Variants in ARIH2 observed in about 807,000 individuals in gnomAD.
ARIH2 encodes ariadne RBR E3 ubiquitin protein ligase 2, also known as E3 ubiquitin-protein ligase ARIH2.
In ARIH2, 12 loss-of-function variants were observed where a neutral mutation model predicts 79.8. The observed-to-expected ratio is 0.15, with a 90% CI of 0.10 to 0.24. The LOEUF is 0.24. Among genes scored for constraint, ARIH2 ranks in the 10% least tolerant of loss-of-function variants. The pLI, the probability that ARIH2 is intolerant of heterozygous loss-of-function variation, is 1.00. For synonymous variants in ARIH2, 224 were observed against 213.9 expected (o/e 1.05, Z -0.41); for missense variants, 301 against 618.3 (o/e 0.49, Z 5.44).
intron 4 of ARIH2, among the ~76,000 whole-genome samples, chr3:48,963,976 G>A (rs13086240): frequency 0.076 from 11,540 of 151,786 alleles, 578 homozygotes; most frequent in Non-Finnish European, 0.1. Context: ...ATTTTTAGGA[G>A]TTTTGTTTAC....
intron 3 of ARIH2, among the ~76,000 whole-genome samples, chr3:48,938,860 A>G (rs1409266220): frequency 6.6e-6 from 1 of 151,002 alleles, no homozygotes; most frequent in Non-Finnish European, 1.5e-5. Context: ...GGGGGAATTA[A>G]TAAAACAGCT....
intron 3 of ARIH2, among the ~76,000 whole-genome samples, chr3:48,955,958 C>T (rs2090522439): frequency 6.6e-6 from 1 of 152,140 alleles, no homozygotes; most frequent in Non-Finnish European, 1.5e-5. Context: ...GCTCAGAGGA[C>T]TCTGGGGAAT....
chr3:48,982,244 AAC>A (rs2092775567), intron 14 of ARIH2, among the ~76,000 whole-genome samples: 1 of 152,236 alleles, frequency 6.6e-6, no homozygotes, highest in African/African-American at 2.4e-5. Context: ...TTTTAAAATT[AAC>A]ATTGTGTATA....
At chr3:48,946,175 T>A (rs895099970) in intron 3 of ARIH2, among the ~76,000 whole-genome samples, 1 of 152,086 alleles carries the variant, frequency 6.6e-6, no homozygotes, top group Non-Finnish European at 1.5e-5. Context: ...CTTAGCATTA[T>A]TGGCCCACAG....
chr3:48,946,965 T>C (rs561568425), intron 3 of ARIH2, among the ~76,000 whole-genome samples: 1 of 152,308 alleles, frequency 6.6e-6, no homozygotes, highest in East Asian at 1.9e-4. Context: ...AGAGTTCTTA[T>C]CTTTGGGGCT....
intron 9 of ARIH2, among the ~76,000 whole-genome samples, chr3:48,974,050 A>G (rs1024915391): frequency 6.6e-6 from 1 of 152,148 alleles, no homozygotes; most frequent in South Asian, 2.1e-4. Context: ...GGAAAGGGGG[A>G]CCCAAAGGGG....
intron 3 of ARIH2, among the ~76,000 whole-genome samples, chr3:48,929,270 C>G (rs2086053825): frequency 6.6e-6 from 1 of 152,050 alleles, no homozygotes; most frequent in Admixed American, 6.6e-5. Flanking sequence ...TCTGTGCTGG[C>G]TTTTTCTGCC....
chr3:48,941,982 T>C (rs1478092803), intron 3 of ARIH2, among the ~76,000 whole-genome samples: 1 of 151,720 alleles, frequency 6.6e-6, no homozygotes, highest in South Asian at 2.1e-4. Flanking sequence ...GCCCCCCGAG[T>C]TCAGGTGACT....
At chr3:48,970,364 A>G (rs991480257) in intron 7 of ARIH2, among the ~76,000 whole-genome samples, 2 of 152,174 alleles carry the variant, frequency 1.3e-5, no homozygotes, top group African/African-American at 2.4e-5. Flanking sequence ...GTGCAATTCT[A>G]TATAAACTTA....
intron 12 of ARIH2, chr3:48,979,842 A>G: frequency 2.1e-6 from 1 of 481,026 alleles, no homozygotes; most frequent in Non-Finnish European, 3.6e-6. Flanking sequence ...AGGACCTGGT[A>G]CTGACCTTGG....
intron 3 of ARIH2, among the ~76,000 whole-genome samples, chr3:48,957,217 T>C (rs1315866414): frequency 6.6e-6 from 1 of 152,252 alleles, no homozygotes; most frequent in Non-Finnish European, 1.5e-5. Context: ...TAGAGGGTTA[T>C]GTTGTTATCT....
At chr3:48,979,851 G>A (rs2092687195) in intron 12 of ARIH2, 1 of 440,084 alleles carries the variant, frequency 2.3e-6, no homozygotes, top group Admixed American at 4.0e-5. Context: ...TACTGACCTT[G>A]GTTGAATGAT....
intron 3 of ARIH2, among the ~76,000 whole-genome samples, chr3:48,942,177 A>T (rs2088391506): frequency 6.6e-6 from 1 of 151,608 alleles, no homozygotes; most frequent in African/African-American, 2.4e-5. Flanking sequence ...CAGCCTCCTA[A>T]ATAGCTGGGA....
At chr3:48,938,299 T>G (rs963078331) in intron 3 of ARIH2, among the ~76,000 whole-genome samples, 1 of 152,180 alleles carries the variant, frequency 6.6e-6, no homozygotes, top group African/African-American at 2.4e-5. Context: ...TACCTCTGCT[T>G]CTTCTGTTTG....
In ARIH2 at chr3:48,983,506, C is replaced by T; in HGVS notation, c.*236C>T. On this transcript the variant is annotated 3_prime_UTR_variant, in exon 16 of 16. Transcript: ENST00000356401. ...CTCTTTTCAGGACTTTTATTTCCCC[C>T]TGGATGGTTGTTGGGAGGGAGGGAA... The T allele has an allele frequency of 1.8e-6, 1 of 555,196 alleles. No individual in the cohort carries two copies. Among genetic ancestry groups the T allele is most frequent in the Admixed American group, 3.3e-5 (1 of 30,412 alleles). The allele number at this position is 555,196 out of a possible 1,614,324, so 34.4% of individuals were successfully genotyped here. A position where few individuals can be genotyped will look rare whatever the true frequency, so the allele number is the denominator to read the frequency against.
chr3:48,982,720 C>A, intron 14 of ARIH2, 176 bp from the exon 15 acceptor site: 1 of 587,892 alleles, frequency 1.7e-6, no homozygotes, highest in Non-Finnish European at 3.0e-6. Flanking sequence ...GTTTGGATAG[C>A]CTTTTGTTTG....
intron 12 of ARIH2, chr3:48,980,150 A>G: frequency 2.1e-6 from 1 of 468,104 alleles, no homozygotes; most frequent in Non-Finnish European, 3.8e-6. Flanking sequence ...CCAGAAGGGT[A>G]GAGCGATCTG....
At chr3:48,962,325 C>T (rs544429731) in intron 4 of ARIH2, among the ~76,000 whole-genome samples, 67 of 151,776 alleles carry the variant, frequency 4.4e-4, no homozygotes, top group Admixed American at 9.2e-4. Flanking sequence ...TGCAGTGAGC[C>T]GAGATTGTGC....
intron 3 of ARIH2, among the ~76,000 whole-genome samples, chr3:48,937,182 G>A (rs1559742322): frequency 6.6e-6 from 1 of 152,232 alleles, no homozygotes; most frequent in African/African-American, 2.4e-5. Flanking sequence ...GTCTATATCT[G>A]GAAAAGTTAT....
Sources: allele counts gnomAD v4.1 joint callset (sites outside exome capture counted in the v4.1 genomes callset), GRCh38; gene constraint gnomAD v4.1.1; transcripts MANE v1.5; gene names NCBI Gene and HGNC (gene_info 2026-07-23, HGNC 2026-07-21).